Variants in DGKB observed in about 807,000 individuals in gnomAD.
DGKB encodes diacylglycerol kinase beta.
A neutral mutation model predicts 114.3 loss-of-function variants in DGKB; 67 were observed. The observed-to-expected ratio is 0.59, with a 90% confidence interval of 0.48 to 0.72. The LOEUF (loss-of-function observed/expected upper bound fraction) is 0.72, where lower values mean the gene tolerates loss of function less well. DGKB is among the 30% of genes least tolerant of loss of function. The pLI, the probability that DGKB is intolerant of heterozygous loss-of-function variation, is 0.00. For missense variants in DGKB, 907 were observed against 975.2 expected (o/e 0.93, Z 0.93); for synonymous variants, 398 against 323.1 (o/e 1.23, Z -2.49).
intron 1 of DGKB, among the ~76,000 whole-genome samples, chr7:14,851,215 ACT>A (rs1849302032): frequency 1.3e-5 from 2 of 152,248 alleles, no homozygotes; most frequent in South Asian, 4.1e-4. Flanking sequence ...TTATTTTTGG[ACT>A]CTGCTGACAC....
At chr7:14,716,390 T>C (rs539992835) in intron 6 of DGKB, among the ~76,000 whole-genome samples, 1 of 152,344 alleles carries the variant, frequency 6.6e-6, no homozygotes, top group South Asian at 2.1e-4. Flanking sequence ...TCTGCTTAGC[T>C]ACCCTGGAAG....
chr7:14,948,118 T>C (rs1212692770), intron 1 of DGKB, among the ~76,000 whole-genome samples: 1 of 151,830 alleles, frequency 6.6e-6, no homozygotes, highest in Non-Finnish European at 1.5e-5. Flanking sequence ...ACAATTTTTA[T>C]GGCACACTGA....
intron 20 of DGKB, among the ~76,000 whole-genome samples, chr7:14,550,412 T>C (rs1794944112): frequency 6.6e-6 from 1 of 152,152 alleles, no homozygotes; most frequent in East Asian, 1.9e-4. Flanking sequence ...ATTAAGAATC[T>C]TTTTGTGATT....
intron 1 of DGKB, among the ~76,000 whole-genome samples, chr7:14,888,535 A>G (rs1391626965): frequency 2.0e-5 from 3 of 151,886 alleles, no homozygotes; most frequent in Middle Eastern, 6.8e-3. Flanking sequence ...CAGACTTTAC[A>G]GCGAAAATAT....
chr7:14,352,738 C>T (rs1415053561), intron 21 of DGKB, among the ~76,000 whole-genome samples: 1 of 152,066 alleles, frequency 6.6e-6, no homozygotes, highest in Non-Finnish European at 1.5e-5. Context: ...GCCTGACCAA[C>T]ATGGTGAAAC....
At chr7:14,628,833 T>C (rs977638191) in intron 14 of DGKB, among the ~76,000 whole-genome samples, 2 of 152,104 alleles carry the variant, frequency 1.3e-5, no homozygotes, top group African/African-American at 2.4e-5. Context: ...CTTTGAGGGA[T>C]ACTGGAAAGT....
intron 1 of DGKB, among the ~76,000 whole-genome samples, chr7:14,891,500 C>T (rs551178707): frequency 6.6e-6 from 1 of 151,446 alleles, no homozygotes; most frequent in South Asian, 2.1e-4. Flanking sequence ...ATACTTTAAG[C>T]AGCTTAATGT....
At chr7:14,663,164 A>G (rs1353563038) in intron 13 of DGKB, among the ~76,000 whole-genome samples, 4 of 152,018 alleles carry the variant, frequency 2.6e-5, no homozygotes. Flanking sequence ...AACTGAACCA[A>G]TTTACTCTCT....
chr7:14,598,995 G>A (rs989787397), intron 17 of DGKB, among the ~76,000 whole-genome samples: 6 of 152,148 alleles, frequency 3.9e-5, no homozygotes, highest in African/African-American at 4.8e-5. Flanking sequence ...TTCAAAAGTT[G>A]TCACTTGTTT....
chr7:14,324,446 C>CA (rs5882440), intron 23 of DGKB, among the ~76,000 whole-genome samples: 87,519 of 118,444 alleles, frequency 0.74, 31,421 homozygotes, highest in South Asian at 0.81. Flanking sequence ...GACTCTGTCT[C>CA]AAAAAAAAAA....
chr7:14,471,208 GTATATATACATATATA>G lies in DGKB; in HGVS notation c.1835+6937_1835+6952del, dbSNP rs1563257566. Among the ~76,000 whole-genome samples the G allele has an allele frequency of 2.2e-5, 3 of 138,830 alleles. 1 individual carries two copies. Among genetic ancestry groups the G allele is most frequent in the African/African-American group, 8.4e-5 (3 of 35,628 alleles). The allele number at this position is 138,830 out of a possible 152,430, so 91.1% of individuals were successfully genotyped here. A position where few individuals can be genotyped will look rare whatever the true frequency, so the allele number is the denominator to read the frequency against. On this transcript the variant is annotated intron_variant, in intron 21 of 25. Transcript: ENST00000402815. ...ATATACATATATGTATGGAATATAT[GTATATATACATATATA>G]TGTATGGAATATATGTATACATACA...
chr7:14,146,625 G>A lies in DGKB; in HGVS notation c.*2506C>T, dbSNP rs1311447755. 2 of 152,164 alleles carry A rather than the reference G, an allele frequency of 1.3e-5. No homozygotes were observed. The highest frequency in any genetic ancestry group is 3.9e-4 in the East Asian group (2 of 5,184). The allele number at this position is 152,164 out of a possible 1,614,324, so 9.4% of individuals were successfully genotyped here. A position where few individuals can be genotyped will look rare whatever the true frequency, so the allele number is the denominator to read the frequency against. ...TCTTCTCTGATTTCAAACCCATCAA[G>A]TTACGTTTTTAAAAACTACTTTCCA... On this transcript the variant is annotated 3_prime_UTR_variant, in exon 26 of 26. Coordinates refer to ENST00000402815, the MANE Select transcript of DGKB (RefSeq NM_001350709.2).
chr7:14,825,466 G>T (rs1845574675), intron 2 of DGKB, among the ~76,000 whole-genome samples: 1 of 152,106 alleles, frequency 6.6e-6, no homozygotes, highest in Non-Finnish European at 1.5e-5. Context: ...ACAGATATCG[G>T]ATATTATATT....
chr7:14,751,941 A>G lies in DGKB; in HGVS notation c.168+1987T>C, dbSNP rs566891386. Among the ~76,000 whole-genome samples the G allele has an allele frequency of 6.6e-5, 10 of 152,334 alleles. No homozygotes were observed. The East Asian group carries it at 1.9e-3, about 29-fold the overall frequency. The stretch of plus-strand genomic sequence containing the variant: ...ATGACCACAGCCACTGTCTCTAAAC[A>G]TTAGTGGAACACCTTTTATGTGCAA... On this transcript the variant is annotated intron_variant, in intron 4 of 25. Transcript: ENST00000402815.
chr7:14,747,775 G>GCGCGCGAGCGCACACACACACACA, intron 4 of DGKB, among the ~76,000 whole-genome samples: 1 of 149,178 alleles, frequency 6.7e-6, no homozygotes, highest in Admixed American at 6.7e-5. Flanking sequence ...ACATCCACGC[G>GCGCGCGAGCGCACACACACACACA]CACGCACACA....
chr7:14,444,531 A>C (rs899424951), intron 21 of DGKB, among the ~76,000 whole-genome samples: 1 of 151,852 alleles, frequency 6.6e-6, no homozygotes, highest in South Asian at 2.1e-4. Context: ...TGATTTCTCT[A>C]AACTTCAGTT....
chr7:14,253,704 T>G (rs1795568524), intron 23 of DGKB, among the ~76,000 whole-genome samples: 1 of 152,188 alleles, frequency 6.6e-6, no homozygotes, highest in African/African-American at 2.4e-5. Flanking sequence ...AGTTGAAAAC[T>G]AAAATGACCT....
At chr7:14,289,693 T>A (rs1801430835) in intron 23 of DGKB, among the ~76,000 whole-genome samples, 1 of 151,060 alleles carries the variant, frequency 6.6e-6, no homozygotes. Context: ...CTTTCTTTAC[T>A]TATCACTATT....
At chr7:14,820,903 T>C (rs895102500) in intron 2 of DGKB, among the ~76,000 whole-genome samples, 1 of 152,128 alleles carries the variant, frequency 6.6e-6, no homozygotes, top group Non-Finnish European at 1.5e-5. Context: ...CACAGAAGAC[T>C]TTTTGGGCCA....
Sources: allele counts gnomAD v4.1 joint callset (sites outside exome capture counted in the v4.1 genomes callset), GRCh38; gene constraint gnomAD v4.1.1; transcripts MANE v1.5; gene names NCBI Gene and HGNC (gene_info 2026-07-23, HGNC 2026-07-21).